Variants in PCDHGA4 observed in about 807,000 individuals in gnomAD.
The protein encoded by PCDHGA4 is protocadherin gamma subfamily A, 4.
Under a neutral mutation model 54.6 loss-of-function variants are expected in PCDHGA4, and 38 were observed. The observed-to-expected ratio is 0.70, with a 90% CI of 0.54 to 0.91. The LOEUF is 0.91. Among genes scored for constraint, PCDHGA4 ranks in the 40% least tolerant of loss-of-function variants. The pLI is 0.00. For missense variants in PCDHGA4, 1,298 were observed against 1,220.9 expected (o/e 1.06, Z -0.94); for synonymous variants, 511 against 512.9 (o/e 1.00, Z 0.05).
At chr5:141,457,167 C>T (rs1465212183) in intron 1 of PCDHGA4, among the ~76,000 whole-genome samples, 1 of 152,114 alleles carries the variant, frequency 6.6e-6, no homozygotes, top group East Asian at 1.9e-4. Context: ...CATGGATAAC[C>T]CTATTGCAAA....
rs373591066 is a variant in PCDHGA4, at chr5:141,404,487, G to A, written c.2514+46866G>A. On this transcript the variant is annotated intron_variant, in intron 1 of 3. Transcript: ENST00000571252. The stretch of plus-strand genomic sequence containing the variant: ...TATGTCTCTATTAACTCAGACACTG[G>A]TGTGCTGTATGCTCTGTGCTCCTTT... 6.8e-6 allele frequency: 11 copies of A among 1,613,722 alleles called. No homozygotes were observed. Among genetic ancestry groups the A allele is most frequent in the Admixed American group, 1.7e-5 (1 of 60,008 alleles).
At position 141,357,485 on chromosome 5, in the gene PCDHGA4, A is replaced by C. The variant is rs1348753984; in HGVS notation, c.2378A>C (p.Asp793Ala). 5.6e-6 allele frequency: 9 copies of C among 1,614,044 alleles called. No individual in the cohort carries two copies. Among genetic ancestry groups the C allele is most frequent in the Non-Finnish European group, 7.6e-6 (9 of 1,180,036 alleles). Residue 793 changes from aspartate (D) to alanine (A), a missense_variant, in exon 1 of 4, where the codon GAC (aspartate) becomes GCC (alanine). Transcript: ENST00000571252. ...TCCCACGAGGTCTCCCTCACCGCGG[A>C]CTCGCGGAAGAGTCACCTGATCTTC... ...TYSHEVSLTADSRKSHLIFSQ... is the reference protein window; with the variant it reads ...TYSHEVSLTAASRKSHLIFSQ...
chr5:141,497,538 AC>A lies in PCDHGA4; in HGVS notation c.2573+2675del, dbSNP rs1247704872. Among the ~76,000 whole-genome samples, 601 of 142,636 alleles carry A rather than the reference AC, an allele frequency of 4.2e-3. 3 individuals are homozygous for A. Among genetic ancestry groups the A allele is most frequent in the African/African-American group, 0.013 (497 of 38,408 alleles). The allele number at this position is 142,636 out of a possible 152,430, so 93.6% of individuals were successfully genotyped here. On this transcript the variant is annotated intron_variant, in intron 2 of 3. Coordinates refer to ENST00000571252, the MANE Select transcript of PCDHGA4 (RefSeq NM_018917.4). ...AGTTAACTTGTGGAGGATGCAACAA[AC>A]CTTTTTTTTTTTTTTTTTTAGACAG...
intron 1 of PCDHGA4, among the ~76,000 whole-genome samples, chr5:141,492,226 C>T (rs1365682179): frequency 6.6e-6 from 1 of 152,178 alleles, no homozygotes; most frequent in Non-Finnish European, 1.5e-5. Flanking sequence ...CATGCGTGTC[C>T]TCCCTGCTGG....
chr5:141,502,866 C>CTT (rs549047197), intron 2 of PCDHGA4, among the ~76,000 whole-genome samples: 3 of 128,046 alleles, frequency 2.3e-5, no homozygotes, highest in Non-Finnish European at 3.2e-5. Flanking sequence ...GACTCTCTGT[C>CTT]TTTTTTTTTT....
intron 1 of PCDHGA4, among the ~76,000 whole-genome samples, chr5:141,407,487 C>T (rs928735518): frequency 7.0e-6 from 1 of 142,894 alleles, no homozygotes; most frequent in African/African-American, 2.6e-5. Context: ...TATGGAAAAT[C>T]TTTATTTCTG....
intron 1 of PCDHGA4, among the ~76,000 whole-genome samples, chr5:141,359,823 CAT>C (rs1451386722): frequency 2.0e-5 from 3 of 152,068 alleles, no homozygotes; most frequent in African/African-American, 7.2e-5. Flanking sequence ...GAATATTTCA[CAT>C]ATTTTAAAAC....
chr5:141,416,504 C>CA (rs1467352050), intron 1 of PCDHGA4: 4 of 152,040 alleles, frequency 2.6e-5, no homozygotes, highest in African/African-American at 9.7e-5. Context: ...AGATATATGA[C>CA]AAAGCTATTT....
rs767430191 is a variant in PCDHGA4 at position 141,375,567 on chromosome 5, C to T, written c.2514+17946C>T. 22 of 1,613,958 alleles carry T rather than the reference C, an allele frequency of 1.4e-5. No individual in the cohort carries two copies. The Admixed American group carries it at 3.5e-4, about 26-fold the overall frequency. ...GTCTCCTACTCACTGGCAGAAGACA[C>T]CCTCCAGGGGGCGCCCCTGTCCTCC... On this transcript the variant is annotated intron_variant, in intron 1 of 3. Transcript: ENST00000571252.
chr5:141,383,147 G>C, intron 1 of PCDHGA4: 1 of 1,614,150 alleles, frequency 6.2e-7, no homozygotes, highest in South Asian at 1.1e-5. Flanking sequence ...CGCAGCGGCA[G>C]CTTGGTCACT....
At chr5:141,410,662 C>T (rs770245568) in intron 1 of PCDHGA4, 1 of 1,572,090 alleles carries the variant, frequency 6.4e-7, no homozygotes, top group Admixed American at 1.9e-5. Context: ...TAATAGTCTA[C>T]TAGTTTCTCA....
At chr5:141,361,189 G>A in intron 1 of PCDHGA4, 3 of 1,613,964 alleles carry the variant, frequency 1.9e-6, no homozygotes, top group Non-Finnish European at 1.7e-6. Context: ...TGTGACTTCA[G>A]TATCTACTCC....
intron 1 of PCDHGA4, chr5:141,365,145 G>C (rs754518751): frequency 6.2e-7 from 1 of 1,613,864 alleles, no homozygotes; most frequent in Admixed American, 1.7e-5. Context: ...CCAGATGAGG[G>C]AATAAACGGG....
chr5:141,437,800 C>G (rs963856257), intron 1 of PCDHGA4, among the ~76,000 whole-genome samples: 1 of 150,744 alleles, frequency 6.6e-6, no homozygotes, highest in African/African-American at 2.4e-5. Flanking sequence ...TGCAGTGGCA[C>G]TATCTTGGCT....
At chr5:141,422,881 T>G in intron 1 of PCDHGA4, 1 of 1,614,214 alleles carries the variant, frequency 6.2e-7, no homozygotes, top group East Asian at 2.2e-5. Flanking sequence ...GCTGAGCCTG[T>G]TCGTGCTGGA....
intron 1 of PCDHGA4, chr5:141,387,894 G>C: frequency 1.9e-6 from 3 of 1,540,604 alleles, no homozygotes; most frequent in Non-Finnish European, 8.7e-7. Context: ...GATGGGGAGC[G>C]GCGCCGGGGA....
intron 1 of PCDHGA4, chr5:141,362,659 C>A: frequency 7.4e-7 from 1 of 1,352,228 alleles, no homozygotes; most frequent in Non-Finnish European, 9.9e-7. Flanking sequence ...TAGATTTGGC[C>A]AATGTTGTGC....
At chr5:141,380,483 A>G (rs1460206090) in intron 1 of PCDHGA4, among the ~76,000 whole-genome samples, 1 of 152,208 alleles carries the variant, frequency 6.6e-6, no homozygotes, top group Non-Finnish European at 1.5e-5. Flanking sequence ...TCTTCCCAAT[A>G]TCTCAGTCAA....
Position 141,483,648 on chromosome 5 carries a change from T to TTGTG in PCDHGA4, c.2515-11141_2515-11138dup, listed in dbSNP as rs111458813. ...GGAGAAGGTATAGAGGGGTGTGTGTTTGTGTGTGTGTGTGTGTGTGTAAAA... is the reference window on the plus strand; with the variant it reads ...GGAGAAGGTATAGAGGGGTGTGTGTTTGTGTGTGTGTGTGTGTGTGTGTGTAAAA... On this transcript the variant is annotated intron_variant, in intron 1 of 3. Coordinates refer to ENST00000571252, the MANE Select transcript of PCDHGA4 (RefSeq NM_018917.4). Among the ~76,000 whole-genome samples, 501 of 149,686 alleles carry TTGTG rather than the reference T, an allele frequency of 3.3e-3. 2 individuals are homozygous for TTGTG. Among genetic ancestry groups the TTGTG allele is most frequent in the African/African-American group, 7.3e-3 (297 of 40,842 alleles).
Sources: gnomAD v4.1 joint callset for allele counts (sites outside exome capture counted in the v4.1 genomes callset) on GRCh38, gnomAD v4.1.1 for gene constraint, MANE v1.5 for transcripts, NCBI Gene and HGNC (gene_info 2026-07-23, HGNC 2026-07-21) for gene names.